The following ADGRV1 variants were observed in gnomAD, a reference collection of about 807,000 sequenced individuals.
The protein encoded by ADGRV1 is adhesion G protein-coupled receptor V1.
A neutral mutation model predicts 596.2 loss-of-function variants in ADGRV1; 359 were observed. That is an observed-to-expected ratio of 0.60 (90% confidence interval 0.55 to 0.66). ADGRV1 has a LOEUF of 0.66. ADGRV1 is among the 30% of genes least tolerant of loss of function. ADGRV1 has a pLI of 0.00. For missense variants in ADGRV1, 7,274 were observed against 7,575.6 expected, an observed-to-expected ratio of 0.96 and a Z score of 1.48; for synonymous variants, 2,681 against 2,679.2, an observed-to-expected ratio of 1.00 and a Z score of -0.02.
chr5:90,902,351 A>C (rs567012746), intron 83 of ADGRV1, among the ~76,000 whole-genome samples: 2 of 152,210 alleles, frequency 1.3e-5, no homozygotes, highest in African/African-American at 4.8e-5. Flanking sequence ...CTGTTCTTTC[A>C]TCAAACTCTC....
intron 88 of ADGRV1, among the ~76,000 whole-genome samples, chr5:91,152,351 C>T (rs978451254): frequency 2.0e-5 from 3 of 152,270 alleles, no homozygotes; most frequent in Middle Eastern, 6.8e-3. Context: ...GTATTTTTCT[C>T]AATTTAGTAT....
intron 83 of ADGRV1, chr5:90,899,065 C>G (rs954624399): frequency 1.3e-5 from 2 of 152,316 alleles, no homozygotes; most frequent in East Asian, 3.9e-4. Context: ...TTAAAACAGA[C>G]TCTGCTGCTG....
Position 90,704,438 on chromosome 5 carries a change from C to A in ADGRV1, c.8336C>A (p.Pro2779His). The A allele has an allele frequency of 6.3e-7, 1 of 1,582,746 alleles. No individual in the cohort carries two copies. Among genetic ancestry groups the A allele is most frequent in the South Asian group, 1.2e-5 (1 of 85,622 alleles). Residue 2779 changes from proline (P) to histidine (H), a missense_variant, in exon 36 of 90, where the codon CCT becomes CAT. Pro to His is a moderately conservative substitution (Grantham distance 77). This residue lies in a region of ADGRV1 where 3,643 missense variants were observed against 3,809.2 expected (regional missense o/e 0.96). Coordinates refer to ENST00000405460, the MANE Select transcript of ADGRV1 (RefSeq NM_032119.4). Reference sequence around the variant, plus strand: ...GTGCATTTGTTGGATGACAACATTCCTGAGGAGAAAGAAGTATACCAAGTC... The same window carrying A: ...GTGCATTTGTTGGATGACAACATTCATGAGGAGAAAGAAGTATACCAAGTC... ...LFVHLLDDNIPEEKEVYQVIL... is the reference protein window; with the variant it reads ...LFVHLLDDNIHEEKEVYQVIL...
At chr5:90,906,750 T>C (rs541389176) in intron 83 of ADGRV1, among the ~76,000 whole-genome samples, 20 of 152,302 alleles carry the variant, frequency 1.3e-4, no homozygotes, top group African/African-American at 4.8e-4. Flanking sequence ...CTCTCTTCTT[T>C]ATTATTTCTT....
chr5:90,824,346 C>G (rs1300581804), intron 76 of ADGRV1, among the ~76,000 whole-genome samples: 1 of 152,172 alleles, frequency 6.6e-6, no homozygotes, highest in Non-Finnish European at 1.5e-5. Context: ...AGCCAATTAA[C>G]TAGTGTCAAA....
intron 1 of ADGRV1, among the ~76,000 whole-genome samples, chr5:90,561,988 A>G (rs1754894132): frequency 6.6e-6 from 1 of 152,160 alleles, no homozygotes; most frequent in Non-Finnish European, 1.5e-5. Context: ...GTCATGCAGG[A>G]AATTCAGACA....
At chr5:90,824,587 A>G (rs1425976875) in intron 76 of ADGRV1, among the ~76,000 whole-genome samples, 1 of 152,174 alleles carries the variant, frequency 6.6e-6, no homozygotes, top group Non-Finnish European at 1.5e-5. Flanking sequence ...AGCTACTAAA[A>G]CTTTCTGTCA....
At chr5:90,658,352 T>A in intron 21 of ADGRV1, 74 bp downstream of exon 21, 1 of 1,388,004 alleles carries the variant, frequency 7.2e-7, no homozygotes, top group East Asian at 2.3e-5. Context: ...TCGGCTTTCT[T>A]TCATTTGGTA....
chr5:90,907,221 T>C (rs2150671946), intron 83 of ADGRV1, among the ~76,000 whole-genome samples: 1 of 152,290 alleles, frequency 6.6e-6, no homozygotes, highest in Admixed American at 6.5e-5. Flanking sequence ...ATCAAATGAC[T>C]TATAAAAAAC....
rs1767726083 is a variant in ADGRV1, at chr5:90,646,152, A to G, written c.3022+61A>G. 7 of 1,252,630 alleles carry G rather than the reference A, an allele frequency of 5.6e-6. No homozygotes were observed. In the African/African-American group the frequency reaches 7.6e-5, roughly 14 times the overall value. 77.6% of individuals were successfully genotyped at this position (1,252,630 alleles called of 1,614,324 possible). A position where few individuals can be genotyped will look rare whatever the true frequency, so the allele number is the denominator to read the frequency against. On this transcript the variant is annotated intron_variant, in intron 16 of 89. Coordinates refer to ENST00000405460, the MANE Select transcript of ADGRV1 (RefSeq NM_032119.4). Reference sequence around the variant, plus strand: ...TTTCTTAAATAGTATATATAAATGTATATATGCACGTGCATATATACATTT... The same window carrying G: ...TTTCTTAAATAGTATATATAAATGTGTATATGCACGTGCATATATACATTT...
intron 45 of ADGRV1, among the ~76,000 whole-genome samples, chr5:90,723,828 A>G (rs1262754578): frequency 6.6e-6 from 1 of 152,168 alleles, no homozygotes; most frequent in East Asian, 1.9e-4. Context: ...TTTAAAAAGA[A>G]CTTAATGTTT....
At chr5:91,039,846 G>A (rs567307896) in intron 85 of ADGRV1, among the ~76,000 whole-genome samples, 1 of 152,130 alleles carries the variant, frequency 6.6e-6, no homozygotes, top group African/African-American at 2.4e-5. Flanking sequence ...AAACAAAGAT[G>A]TACAAGGATG....
At chr5:91,149,491 C>T (rs1795835480) in intron 87 of ADGRV1, among the ~76,000 whole-genome samples, 1 of 152,044 alleles carries the variant, frequency 6.6e-6, no homozygotes, top group Admixed American at 6.6e-5. Flanking sequence ...TGAGGCCTCC[C>T]CAGCCATGTG....
chr5:90,866,474 G>T (rs998852845), intron 83 of ADGRV1, among the ~76,000 whole-genome samples: 1 of 151,880 alleles, frequency 6.6e-6, no homozygotes, highest in African/African-American at 2.4e-5. Flanking sequence ...AATATCAGTA[G>T]GTGGCAGTAG....
chr5:90,687,293 A>G (rs1284477300), intron 29 of ADGRV1, among the ~76,000 whole-genome samples: 6 of 152,146 alleles, frequency 3.9e-5, no homozygotes, highest in Non-Finnish European at 7.3e-5. Context: ...GCCCATGCCT[A>G]TGTCCTGAAT....
intron 83 of ADGRV1, among the ~76,000 whole-genome samples, chr5:90,893,847 A>G (rs1771054787): frequency 6.6e-6 from 1 of 152,194 alleles, no homozygotes; most frequent in Non-Finnish European, 1.5e-5. Flanking sequence ...AAGGTTGTTC[A>G]TTTTGGAGAT....
intron 85 of ADGRV1, among the ~76,000 whole-genome samples, chr5:90,989,269 T>C (rs1378716903): frequency 6.6e-6 from 1 of 152,142 alleles, no homozygotes; most frequent in Non-Finnish European, 1.5e-5. Context: ...AGTGTAAAAG[T>C]GTTCCTATTT....
chr5:90,672,036 A>C (rs1359561637), intron 21 of ADGRV1, among the ~76,000 whole-genome samples: 1 of 152,186 alleles, frequency 6.6e-6, no homozygotes, highest in African/African-American at 2.4e-5. Context: ...CACCCCGCCA[A>C]AATGATACCA....
At chr5:91,156,020 T>C (rs1291753100) in intron 89 of ADGRV1, among the ~76,000 whole-genome samples, 1 of 152,192 alleles carries the variant, frequency 6.6e-6, no homozygotes, top group Non-Finnish European at 1.5e-5. Context: ...CTCACCACAA[T>C]GGCTGACTAA....
Sources: allele counts gnomAD v4.1 joint callset (sites outside exome capture counted in the v4.1 genomes callset), GRCh38; gene constraint gnomAD v4.1.1; regional missense constraint gnomAD v4.1.1; transcripts MANE v1.5; gene names NCBI Gene and HGNC (gene_info 2026-07-23, HGNC 2026-07-21).